The following DPYD variants were observed in gnomAD, a reference collection of about 807,000 sequenced individuals.
DPYD encodes dihydropyrimidine dehydrogenase, also known as dihydropyrimidine dehydrogenase [NADP(+)].
In DPYD, 109 loss-of-function variants were observed where a neutral mutation model predicts 116.2. The observed-to-expected ratio is 0.94, with a 90% CI of 0.80 to 1.10. DPYD has a LOEUF of 1.10. Among genes scored for constraint, DPYD ranks in the 50% least tolerant of loss-of-function variants. DPYD has a pLI of 0.00. For missense variants in DPYD, 1,302 were observed against 1,254.5 expected (o/e 1.04, Z -0.57); for synonymous variants, 440 against 432.0 (o/e 1.02, Z -0.23).
chr1:97,550,089 C>T (rs1290493667), intron 11 of DPYD, among the ~76,000 whole-genome samples: 1 of 152,132 alleles, frequency 6.6e-6, no homozygotes, highest in Non-Finnish European at 1.5e-5. Flanking sequence ...TTATTCATAG[C>T]CATCATTTTT....
chr1:97,087,092 C>G (rs1649569538), intron 21 of DPYD, among the ~76,000 whole-genome samples: 1 of 152,176 alleles, frequency 6.6e-6, no homozygotes. Context: ...CTAATGCTCC[C>G]AAGTCAAAAG....
intron 3 of DPYD, among the ~76,000 whole-genome samples, chr1:97,809,662 T>C (rs1249705605): frequency 6.6e-6 from 1 of 152,146 alleles, no homozygotes; most frequent in Non-Finnish European, 1.5e-5. Context: ...AGATGCAGGA[T>C]AGCTGAGGTA....
chr1:97,673,220 T>C (rs889490708), intron 8 of DPYD, among the ~76,000 whole-genome samples: 1 of 152,114 alleles, frequency 6.6e-6, no homozygotes, highest in African/African-American at 2.4e-5. Context: ...GTTAAGAATA[T>C]CGACATCAAG....
At chr1:97,400,048 C>T (rs1225095575) in intron 14 of DPYD, among the ~76,000 whole-genome samples, 2 of 152,112 alleles carry the variant, frequency 1.3e-5, no homozygotes, top group Admixed American at 6.6e-5. Flanking sequence ...GGAATGCTTC[C>T]AGTTTTTGCC....
chr1:97,296,918 T>C (rs1666573526), intron 18 of DPYD, among the ~76,000 whole-genome samples: 1 of 152,160 alleles, frequency 6.6e-6, no homozygotes. Context: ...TATTTATTCC[T>C]AGTAGGTTTA....
At chr1:97,300,711 C>A (rs1666810787) in intron 18 of DPYD, among the ~76,000 whole-genome samples, 1 of 152,058 alleles carries the variant, frequency 6.6e-6, no homozygotes, top group African/African-American at 2.4e-5. Context: ...GAGTGGGTTA[C>A]ACTGGATTTG....
intron 3 of DPYD, among the ~76,000 whole-genome samples, chr1:97,813,034 T>C (rs1010460479): frequency 2.0e-5 from 3 of 152,138 alleles, no homozygotes; most frequent in Non-Finnish European, 4.4e-5. Context: ...CAATAGACTT[T>C]CATTTTGGTG....
At chr1:97,416,432 TG>T (rs1422168266) in intron 14 of DPYD, among the ~76,000 whole-genome samples, 1 of 152,228 alleles carries the variant, frequency 6.6e-6, no homozygotes, top group African/African-American at 2.4e-5. Context: ...TTTTACTCTC[TG>T]ATTTTCTTTA....
rs1003244088 is a variant in DPYD at position 97,691,661 on chromosome 1, T to C, written c.762+56A>G. On this transcript the variant is annotated intron_variant, in intron 7 of 22. Transcript: ENST00000370192. ...TGACATTTGCTGTTAATCTTTAGTG[T>C]AGAGCTTACTCCTTTCTTTTTGAGC... The C allele has an allele frequency of 8.5e-6, 12 of 1,405,626 alleles. No individual in the cohort carries two copies. In the Admixed American group the frequency reaches 1.5e-4, roughly 18 times the overall value. 87.1% of individuals were successfully genotyped at this position (1,405,626 alleles called of 1,614,324 possible).
chr1:97,411,058 G>A (rs1212178223), intron 14 of DPYD, among the ~76,000 whole-genome samples: 1 of 152,150 alleles, frequency 6.6e-6, no homozygotes, highest in Non-Finnish European at 1.5e-5. Context: ...TAGGAATCAT[G>A]TTCTTTACCT....
intron 18 of DPYD, among the ~76,000 whole-genome samples, chr1:97,276,117 T>C (rs1430669160): frequency 1.3e-5 from 2 of 152,184 alleles, no homozygotes; most frequent in Non-Finnish European, 2.9e-5. Flanking sequence ...AGTTAATCTA[T>C]ATCTTCATTT....
At chr1:97,913,614 G>A (rs1437579400) in intron 1 of DPYD, among the ~76,000 whole-genome samples, 5 of 152,040 alleles carry the variant, frequency 3.3e-5, no homozygotes, top group Non-Finnish European at 5.9e-5. Context: ...ATTTTCACAC[G>A]ACCTTTTCAT....
intron 10 of DPYD, among the ~76,000 whole-genome samples, chr1:97,579,217 T>A (rs1653472610): frequency 2.6e-5 from 4 of 152,244 alleles, no homozygotes; most frequent in African/African-American, 9.6e-5. Context: ...GCATCAAGAC[T>A]GGTCACAGCC....
intron 2 of DPYD, among the ~76,000 whole-genome samples, chr1:97,837,001 C>A (rs936466782): frequency 6.6e-5 from 10 of 151,912 alleles, no homozygotes; most frequent in African/African-American, 1.9e-4. Context: ...TTAATAGAAC[C>A]ATTTAAGTTT....
At chr1:97,191,294 A>T (rs766275261) in intron 20 of DPYD, among the ~76,000 whole-genome samples, 17 of 152,130 alleles carry the variant, frequency 1.1e-4, no homozygotes, top group Non-Finnish European at 1.9e-4. Context: ...ACTACTGGGG[A>T]TATAAATCTA....
chr1:97,227,150 C>G (rs929436838), intron 19 of DPYD, among the ~76,000 whole-genome samples: 3 of 151,544 alleles, frequency 2.0e-5, no homozygotes, highest in Admixed American at 6.6e-5. Flanking sequence ...CATGTTGAAA[C>G]CCCGTCTTTA....
At chr1:97,285,046 C>G (rs1035665949) in intron 18 of DPYD, among the ~76,000 whole-genome samples, 2 of 152,090 alleles carry the variant, frequency 1.3e-5, no homozygotes, top group African/African-American at 4.8e-5. Flanking sequence ...TGGATCAAAG[C>G]CAAATTGGCA....
intron 11 of DPYD, among the ~76,000 whole-genome samples, chr1:97,563,966 A>G (rs1166342358): frequency 6.6e-6 from 1 of 152,092 alleles, no homozygotes; most frequent in Non-Finnish European, 1.5e-5. Flanking sequence ...AAAGATGATA[A>G]ATCTTTCAAC....
At chr1:97,114,716 A>G (rs752248829) in intron 20 of DPYD, among the ~76,000 whole-genome samples, 1 of 152,164 alleles carries the variant, frequency 6.6e-6, no homozygotes, top group African/African-American at 2.4e-5. Flanking sequence ...TATGGCAGCC[A>G]ATAGTCTGAG....
Sources: gnomAD v4.1 joint callset for allele counts (sites outside exome capture counted in the v4.1 genomes callset) on GRCh38, gnomAD v4.1.1 for gene constraint, MANE v1.5 for transcripts, NCBI Gene and HGNC (gene_info 2026-07-23, HGNC 2026-07-21) for gene names.